The following EDIL3 variants were observed in gnomAD, a reference collection of about 807,000 sequenced individuals.
EDIL3 encodes the protein EGF like and discoidin domains 3.
A neutral mutation model predicts 67.4 loss-of-function variants in EDIL3; 37 were observed. The ratio of observed to expected loss-of-function variants is 0.55; its 90% CI spans 0.42 to 0.72. The LOEUF (loss-of-function observed/expected upper bound fraction) is 0.72, where lower values mean the gene tolerates loss of function less well. EDIL3 is among the 30% of genes least tolerant of loss of function. EDIL3 has a pLI of 0.00. For synonymous variants in EDIL3, 195 were observed against 196.3 expected (o/e 0.99, Z 0.05); for missense variants, 527 against 586.3 (o/e 0.90, Z 1.04).
At chr5:84,119,212 G>GTTTTTTTTTTT (rs66522256) in intron 5 of EDIL3, among the ~76,000 whole-genome samples, 1 of 82,306 alleles carries the variant, frequency 1.2e-5, no homozygotes. Flanking sequence ...CATGCATTTG[G>GTTTTTTTTTTT]TTTTTTTTTT....
rs529259647 is a variant in EDIL3 at position 84,171,425 on chromosome 5, G to A, written c.355+8968C>T. ...GTTTCCAGCCAAAGGAGAAAAACAA[G>A]AAAATAAAAATGCCTTGGAACTCTG... On this transcript the variant is annotated intron_variant, in intron 4 of 10. Transcript: ENST00000296591. Among the ~76,000 whole-genome samples, 73 of 152,204 alleles carry A rather than the reference G, an allele frequency of 4.8e-4. 1 individual carries two copies. In the South Asian group the frequency reaches 0.015, roughly 31 times the overall value.
At chr5:84,134,241 A>C (rs536502036) in intron 5 of EDIL3, among the ~76,000 whole-genome samples, 8 of 152,304 alleles carry the variant, frequency 5.3e-5, no homozygotes, top group Admixed American at 5.2e-4. Flanking sequence ...CTTGCTTTTA[A>C]TTGTTTAACT....
chr5:84,104,984 T>C (rs1227768003), intron 6 of EDIL3, among the ~76,000 whole-genome samples: 1 of 152,036 alleles, frequency 6.6e-6, no homozygotes, highest in Non-Finnish European at 1.5e-5. Flanking sequence ...TGATGTAAAC[T>C]GGTGATATCA....
chr5:84,193,832 C>T (rs930959758), intron 3 of EDIL3, among the ~76,000 whole-genome samples: 4 of 151,922 alleles, frequency 2.6e-5, no homozygotes, highest in African/African-American at 9.7e-5. Flanking sequence ...TAACACCTCT[C>T]TGTTTTCTTG....
Position 83,953,155 on chromosome 5 carries a change from A to G in EDIL3, c.1294-9587T>C, listed in dbSNP as rs1744450138. On this transcript the variant is annotated intron_variant, in intron 10 of 10. Transcript: ENST00000296591. Reference sequence around the variant, plus strand: ...ACCATCTGGTCCAGCTACAAGACATAGAAGATCTTAACTGGAAACAAGGTT... The same window carrying G: ...ACCATCTGGTCCAGCTACAAGACATGGAAGATCTTAACTGGAAACAAGGTT... Among the ~76,000 whole-genome samples the G allele has an allele frequency of 2.0e-5, 3 of 151,848 alleles. 1 individual carries two copies. In the South Asian group the frequency reaches 6.2e-4, roughly 31 times the overall value.
At chr5:83,972,536 G>A (rs1036003535) in intron 9 of EDIL3, among the ~76,000 whole-genome samples, 2 of 152,140 alleles carry the variant, frequency 1.3e-5, no homozygotes, top group East Asian at 3.9e-4. Flanking sequence ...AATAATGTAT[G>A]TGATTTACTC....
intron 10 of EDIL3, among the ~76,000 whole-genome samples, chr5:83,958,090 C>T (rs1190307922): frequency 6.6e-6 from 1 of 151,518 alleles, no homozygotes; most frequent in African/African-American, 2.4e-5. Context: ...TATTGACTTC[C>T]TCTGACCAAT....
intron 1 of EDIL3, among the ~76,000 whole-genome samples, chr5:84,290,401 C>T (rs1242072528): frequency 6.6e-6 from 1 of 152,178 alleles, no homozygotes; most frequent in Non-Finnish European, 1.5e-5. Flanking sequence ...ACTCTGGTGC[C>T]TGGGAAATTC....
intron 3 of EDIL3, among the ~76,000 whole-genome samples, chr5:84,209,342 T>A (rs1744066979): frequency 6.6e-6 from 1 of 152,086 alleles, no homozygotes; most frequent in African/African-American, 2.4e-5. Context: ...AACCTGTACA[T>A]GGTGCACATG....
At chr5:84,288,592 T>C (rs1403693825) in intron 1 of EDIL3, among the ~76,000 whole-genome samples, 1 of 152,114 alleles carries the variant, frequency 6.6e-6, no homozygotes, top group Admixed American at 6.6e-5. Flanking sequence ...GGGCTTCACA[T>C]CGTCCTGTCA....
intron 4 of EDIL3, among the ~76,000 whole-genome samples, chr5:84,159,713 C>A (rs1748570624): frequency 6.6e-6 from 1 of 151,884 alleles, no homozygotes; most frequent in South Asian, 2.1e-4. Context: ...GATATGGTTA[C>A]AATAAACATT....
chr5:83,983,419 AT>A (rs769817974), intron 9 of EDIL3, among the ~76,000 whole-genome samples: 5 of 152,136 alleles, frequency 3.3e-5, no homozygotes, highest in Non-Finnish European at 1.5e-5. Flanking sequence ...TGTTTTTAAA[AT>A]ATAGCAAGAT....
chr5:84,117,027 T>TTTTA (rs1554068671), intron 5 of EDIL3, among the ~76,000 whole-genome samples: 32 of 126,168 alleles, frequency 2.5e-4, no homozygotes, highest in African/African-American at 1.1e-3. Context: ...CTTATTTTTT[T>TTTTA]TTTTTTTTTT....
chr5:84,271,212 G>A (rs1356818054), intron 1 of EDIL3, among the ~76,000 whole-genome samples: 1 of 151,932 alleles, frequency 6.6e-6, no homozygotes, highest in African/African-American at 2.4e-5. Context: ...TTAAAATAAA[G>A]GAGAGACCTG....
chr5:84,270,490 T>TTG (rs3046892), intron 1 of EDIL3, among the ~76,000 whole-genome samples: 122,761 of 152,006 alleles, frequency 0.81, 49,951 homozygotes, highest in East Asian at 0.95. Flanking sequence ...ACCATGGGGT[T>TTG]TGTCAACTTA....
At chr5:84,218,396 G>C (rs1422926292) in intron 3 of EDIL3, among the ~76,000 whole-genome samples, 1 of 152,192 alleles carries the variant, frequency 6.6e-6, no homozygotes, top group Non-Finnish European at 1.5e-5. Flanking sequence ...AAATTTAGTT[G>C]TTCCTATAGA....
intron 1 of EDIL3, among the ~76,000 whole-genome samples, chr5:84,295,460 G>A (rs927222757): frequency 2.0e-5 from 3 of 151,876 alleles, no homozygotes; most frequent in African/African-American, 7.2e-5. Context: ...TAATACCCAT[G>A]ATAAAAATTA....
At chr5:83,981,298 G>A (rs2112148911) in intron 9 of EDIL3, among the ~76,000 whole-genome samples, 1 of 152,070 alleles carries the variant, frequency 6.6e-6, no homozygotes, top group East Asian at 1.9e-4. Flanking sequence ...ATAAATATAT[G>A]TGTATGTACA....
At chr5:84,334,318 C>A (rs532478794) in intron 1 of EDIL3, among the ~76,000 whole-genome samples, 1 of 152,190 alleles carries the variant, frequency 6.6e-6, no homozygotes, top group South Asian at 2.1e-4. Flanking sequence ...CCCACCTCGG[C>A]CCCCCAAAGT....
Sources: allele counts gnomAD v4.1 joint callset (sites outside exome capture counted in the v4.1 genomes callset), GRCh38; gene constraint gnomAD v4.1.1; transcripts MANE v1.5; gene names NCBI Gene and HGNC (gene_info 2026-07-23, HGNC 2026-07-21).